Variants in OOSP1 observed in about 807,000 individuals in gnomAD.
OOSP1 encodes the protein oocyte secreted protein 1.
In OOSP1, 11 loss-of-function variants were observed where a neutral mutation model predicts 5.7. That is an observed-to-expected ratio of 1.94 (90% CI 1.22 to 3.20). The LOEUF (loss-of-function observed/expected upper bound fraction) is 3.20, where lower values mean the gene tolerates loss of function less well. Ranked by LOEUF, OOSP1 falls within the 30% of genes most tolerant of loss-of-function variation. The pLI is 0.00. For synonymous variants in OOSP1, 44 were observed against 20.0 expected, an observed-to-expected ratio of 2.20 and a Z score of -3.20; for missense variants, 83 against 54.1, an observed-to-expected ratio of 1.53 and a Z score of -1.67.
intron 1 of OOSP1, among the ~76,000 whole-genome samples, chr11:59,940,448 T>C (rs1436219685): frequency 6.6e-6 from 1 of 152,232 alleles, no homozygotes; most frequent in African/African-American, 2.4e-5. Flanking sequence ...TACGTCAAAT[T>C]TGTGGATCTG....
At chr11:59,954,361 A>G (rs1451305246) in intron 4 of OOSP1, among the ~76,000 whole-genome samples, 1 of 151,812 alleles carries the variant, frequency 6.6e-6, no homozygotes, top group Non-Finnish European at 1.5e-5. Context: ...GCATGGCCAC[A>G]TGTATTCTAA....
intron 2 of OOSP1, 147 bp downstream of exon 2, chr11:59,943,175 G>T (rs534088320): frequency 1.8e-3 from 341 of 193,328 alleles, no homozygotes; most frequent in Non-Finnish European, 2.7e-3. Context: ...AGTTTGCTAA[G>T]AATGATGGTT....
intron 3 of OOSP1, 196 bp downstream of exon 3, chr11:59,945,462 C>A (rs1207132825): frequency 3.2e-6 from 2 of 625,632 alleles, no homozygotes; most frequent in Non-Finnish European, 5.9e-6. Flanking sequence ...GAAATGCTGG[C>A]TGGGCACGGT....
intron 4 of OOSP1, among the ~76,000 whole-genome samples, chr11:59,951,032 G>T (rs1004732906): frequency 1.3e-5 from 2 of 151,838 alleles, no homozygotes; most frequent in African/African-American, 2.4e-5. Context: ...ATAGTAAAAA[G>T]TCCCAAACAT....
intron 2 of OOSP1, among the ~76,000 whole-genome samples, chr11:59,944,711 C>T (rs1025762673): frequency 6.6e-6 from 1 of 152,082 alleles, no homozygotes; most frequent in South Asian, 2.1e-4. Context: ...TTCTTTACCA[C>T]CATAATTATT....
intron 3 of OOSP1, among the ~76,000 whole-genome samples, chr11:59,945,933 C>A (rs72912748): frequency 2.6e-5 from 4 of 152,066 alleles, no homozygotes; most frequent in African/African-American, 9.6e-5. Context: ...GGCATACTCA[C>A]GTGGCTGGAG....
At chr11:59,945,619 G>A (rs1193189437) in intron 3 of OOSP1, among the ~76,000 whole-genome samples, 1 of 151,500 alleles carries the variant, frequency 6.6e-6, no homozygotes, top group Non-Finnish European at 1.5e-5. Flanking sequence ...GCATGGTGGG[G>A]GGTTGCCTGT....
At chr11:59,943,384 T>C (rs1853851124) in intron 2 of OOSP1, among the ~76,000 whole-genome samples, 2 of 151,192 alleles carry the variant, frequency 1.3e-5, no homozygotes, top group Non-Finnish European at 1.5e-5. Flanking sequence ...AAAACCCAAG[T>C]GTCTTATGGT....
At chr11:59,949,675 C>A (rs573135828) in intron 4 of OOSP1, among the ~76,000 whole-genome samples, 13 of 152,124 alleles carry the variant, frequency 8.5e-5, no homozygotes, top group Non-Finnish European at 1.8e-4. Context: ...GATTGACACA[C>A]TTGGCTTTTG....
chr11:59,941,390 T>A (rs568549042), intron 1 of OOSP1, among the ~76,000 whole-genome samples: 1 of 152,126 alleles, frequency 6.6e-6, no homozygotes, highest in Non-Finnish European at 1.5e-5. Context: ...TGTACTTTTT[T>A]TTTTTTTGAG....
chr11:59,938,514 C>T (rs774068276), exon 1 of OOSP1: 34 of 607,030 alleles, frequency 5.6e-5, no homozygotes, highest in Admixed American at 2.7e-4. Flanking sequence ...TATGGACCTG[C>T]GCTGGGGACT....
intron 4 of OOSP1, chr11:59,948,637 T>A (rs1358093618): frequency 2.5e-6 from 1 of 396,586 alleles, no homozygotes. Flanking sequence ...AATAACAGGC[T>A]CTTAGAAGTA....
chr11:59,944,910 T>C (rs556042338), intron 2 of OOSP1, among the ~76,000 whole-genome samples: 1 of 152,332 alleles, frequency 6.6e-6, no homozygotes, highest in South Asian at 2.1e-4. Flanking sequence ...CTTTCTTGAA[T>C]GTGAATCACA....
chr11:59,949,075 C>T (rs1361264239), intron 4 of OOSP1: 2 of 277,500 alleles, frequency 7.2e-6, no homozygotes, highest in Non-Finnish European at 1.3e-5. Flanking sequence ...TAATTTTAAG[C>T]TTCAATGCTC....
chr11:59,938,722 A>G (rs958804148), intron 1 of OOSP1, among the ~76,000 whole-genome samples, 192 bp downstream of exon 1: 2 of 152,180 alleles, frequency 1.3e-5, no homozygotes, highest in Non-Finnish European at 2.9e-5. Context: ...AGACTAGGGA[A>G]TGTGCCCTAA....
chr11:59,955,503 T>A (rs1344753499), intron 4 of OOSP1, among the ~76,000 whole-genome samples: 1 of 152,218 alleles, frequency 6.6e-6, no homozygotes, highest in Non-Finnish European at 1.5e-5. Context: ...AATTGCTTTT[T>A]AAATAATGGT....
At chr11:59,952,443 A>G (rs1350939136) in intron 4 of OOSP1, among the ~76,000 whole-genome samples, 6 of 152,200 alleles carry the variant, frequency 3.9e-5, no homozygotes, top group African/African-American at 1.4e-4. Flanking sequence ...ACCATGGAAT[A>G]CAACTTGGTC....
intron 1 of OOSP1, 136 bp from the exon 2 acceptor site, chr11:59,942,711 A>C: frequency 1.7e-6 from 1 of 573,420 alleles, no homozygotes. Context: ...CATGTTTTGC[A>C]AACTTGTTCA....
chr11:59,939,782 CTT>C (rs1051553558), intron 1 of OOSP1, among the ~76,000 whole-genome samples: 6 of 149,472 alleles, frequency 4.0e-5, no homozygotes, highest in African/African-American at 1.5e-4. Flanking sequence ...TCATCTTTCT[CTT>C]TCTTTTCTTT....
Sources: gnomAD v4.1 joint callset for allele counts (sites outside exome capture counted in the v4.1 genomes callset) on GRCh38, gnomAD v4.1.1 for gene constraint, MANE v1.5 for transcripts, NCBI Gene and HGNC (gene_info 2026-07-23, HGNC 2026-07-21) for gene names.